The following TMEM138 variants were observed in gnomAD, a reference collection of about 807,000 sequenced individuals.
The protein encoded by TMEM138 is transmembrane protein 138.
Under a neutral mutation model 18.1 loss-of-function variants are expected in TMEM138, and 9 were observed. The observed-to-expected ratio is 0.50, with a 90% CI of 0.30 to 0.87. The LOEUF is 0.87. Among genes scored for constraint, TMEM138 ranks in the 40% least tolerant of loss-of-function variants. The pLI, the probability that TMEM138 is intolerant of heterozygous loss-of-function variation, is 0.06. For missense variants in TMEM138, 189 were observed against 190.6 expected, an observed-to-expected ratio of 0.99 and a Z score of 0.05; for synonymous variants, 79 against 74.8, an observed-to-expected ratio of 1.06 and a Z score of -0.29.
At chr11:61,368,481 C>G (rs939822344) in intron 4 of TMEM138, 116 bp from the exon 5 acceptor site, 3 of 664,612 alleles carry the variant, frequency 4.5e-6, no homozygotes, top group Admixed American at 2.3e-5. Context: ...CTGCCTCTGC[C>G]TCCTAAAGTG....
chr11:61,374,092 C>T (rs1858402486), downstream of TMEM138, among the ~76,000 whole-genome samples: 1 of 151,446 alleles, frequency 6.6e-6, no homozygotes, highest in Non-Finnish European at 1.5e-5. Context: ...ATCCATCCAC[C>T]TCGGCCTCCC....
chr11:61,376,057 A>G (rs1387055886), downstream of TMEM138, among the ~76,000 whole-genome samples: 1 of 152,238 alleles, frequency 6.6e-6, no homozygotes, highest in African/African-American at 2.4e-5. Context: ...TATGTAAAAA[A>G]TAATTATTCG....
At chr11:61,372,175 CA>C (rs1858357854), downstream of TMEM138, among the ~76,000 whole-genome samples, 1 of 12,958 alleles carries the variant, frequency 7.7e-5, no homozygotes, top group Non-Finnish European at 1.8e-4. Context: ...GACTCTGTCT[CA>C]GAAAAAAAAA....
intron 3 of TMEM138, 193 bp from the exon 4 acceptor site, chr11:61,367,730 A>G: frequency 1.7e-6 from 1 of 599,362 alleles, no homozygotes; most frequent in Non-Finnish European, 3.0e-6. Flanking sequence ...TCCTCCCTCA[A>G]AGTTAAAAGA....
chr11:61,374,039 C>T (rs528758511), downstream of TMEM138, among the ~76,000 whole-genome samples: 44 of 150,998 alleles, frequency 2.9e-4, no homozygotes, highest in African/African-American at 1.0e-3. Flanking sequence ...GATGGGGTTT[C>T]GCCATGTTGG....
chr11:61,375,560 C>G (rs968472961), downstream of TMEM138, among the ~76,000 whole-genome samples: 2 of 152,114 alleles, frequency 1.3e-5, no homozygotes, highest in African/African-American at 4.8e-5. Context: ...TGACCTCAGG[C>G]GATCCACCCA....
chr11:61,372,735 G>T (rs1351343565), downstream of TMEM138, among the ~76,000 whole-genome samples: 1 of 151,910 alleles, frequency 6.6e-6, no homozygotes, highest in East Asian at 1.9e-4. Context: ...GCAGTGAGCT[G>T]AGGTCACACC....
chr11:61,376,037 T>C (rs1457290970), downstream of TMEM138, among the ~76,000 whole-genome samples: 1 of 152,172 alleles, frequency 6.6e-6, no homozygotes. Flanking sequence ...TCAAAGCCAA[T>C]TTAAAAGCCT....
At position 61,368,955 on chromosome 11, in the gene TMEM138, C is replaced by T. The variant is rs1858262081; in HGVS notation, c.*246C>T. Reference sequence around the variant, plus strand: ...TTCCACCCCCTTTCCTTCCTTTCCTCTCTGTACCATTCATTCTCCCTGACC... The same window carrying T: ...TTCCACCCCCTTTCCTTCCTTTCCTTTCTGTACCATTCATTCTCCCTGACC... On this transcript the variant is annotated 3_prime_UTR_variant, in exon 5 of 5. Coordinates refer to ENST00000278826, the MANE Select transcript of TMEM138 (RefSeq NM_016464.5). 8.2e-6 allele frequency: 4 copies of T among 486,238 alleles called. No individual in the cohort carries two copies. Among genetic ancestry groups the T allele is most frequent in the Non-Finnish European group, 1.5e-5 (4 of 266,036 alleles). The allele number at this position is 486,238 out of a possible 1,614,324, so 30.1% of individuals were successfully genotyped here.
At chr11:61,365,389 T>G (rs1858107780) in intron 2 of TMEM138, among the ~76,000 whole-genome samples, 1 of 151,886 alleles carries the variant, frequency 6.6e-6, no homozygotes, top group African/African-American at 2.4e-5. Flanking sequence ...GCCTCCCTAG[T>G]AGCTGGGATT....
downstream of TMEM138, among the ~76,000 whole-genome samples, chr11:61,376,067 G>A (rs75547153): frequency 0.049 from 7,490 of 152,098 alleles, 644 homozygotes; most frequent in African/African-American, 0.17. Flanking sequence ...ATAATTATTC[G>A]GCCAGATGCG....
intron 3 of TMEM138, chr11:61,366,670 G>A (rs1858167458): frequency 6.5e-6 from 1 of 154,058 alleles, no homozygotes; most frequent in South Asian, 2.0e-4. Flanking sequence ...GTTTCACCAT[G>A]TTGGCCGGGA....
rs557386985 is a variant in TMEM138, at chr11:61,368,994, G to A, written c.*285G>A. On this transcript the variant is annotated 3_prime_UTR_variant, in exon 5 of 5. Coordinates refer to ENST00000278826, the MANE Select transcript of TMEM138 (RefSeq NM_016464.5). ...TTCTCCCTGACCGGCCTTTCTTGCC[G>A]AGGGTTCTGTGGCTCTTACCCTTGT... The A allele has an allele frequency of 7.5e-5, 28 of 373,534 alleles. No homozygotes were observed. Among genetic ancestry groups the A allele is most frequent in the Admixed American group, 5.8e-4 (15 of 25,734 alleles). 23.1% of individuals were successfully genotyped at this position (373,534 alleles called of 1,614,324 possible).
downstream of TMEM138, among the ~76,000 whole-genome samples, chr11:61,372,727 A>T (rs1858376604): frequency 6.6e-6 from 1 of 152,030 alleles, no homozygotes. Flanking sequence ...TGGAGCTTGC[A>T]GTGAGCTGAG....
downstream of TMEM138, among the ~76,000 whole-genome samples, chr11:61,375,794 C>A (rs1172183930): frequency 6.6e-6 from 1 of 152,146 alleles, no homozygotes; most frequent in Non-Finnish European, 1.5e-5. Context: ...CCAATAAAAG[C>A]CCCTTGGAAA....
rs1470033610 is a variant in TMEM138, at chr11:61,365,941, T to C, written c.129-104T>C. 5 of 1,392,558 alleles carry C rather than the reference T, an allele frequency of 3.6e-6. No homozygotes were observed. The East Asian group carries it at 1.3e-4, about 35-fold the overall frequency. The allele number at this position is 1,392,558 out of a possible 1,614,324, so 86.3% of individuals were successfully genotyped here. A position where few individuals can be genotyped will look rare whatever the true frequency, so the allele number is the denominator to read the frequency against. On this transcript the variant is annotated intron_variant, in intron 2 of 4. Transcript: ENST00000278826. ...GAGGGTTTAAGATGTCAGATGCCTATCTCACAACAAAGGACAGGCCTCGTG... is the reference window on the plus strand; with the variant it reads ...GAGGGTTTAAGATGTCAGATGCCTACCTCACAACAAAGGACAGGCCTCGTG...
chr11:61,365,236 G>A (rs1346864688), intron 2 of TMEM138, among the ~76,000 whole-genome samples: 1 of 151,780 alleles, frequency 6.6e-6, no homozygotes, highest in East Asian at 1.9e-4. Context: ...GCAACATAGT[G>A]AGACCTTGTT....
chr11:61,370,124 T>C (rs1437961119), downstream of TMEM138, among the ~76,000 whole-genome samples: 2 of 152,150 alleles, frequency 1.3e-5, no homozygotes, highest in African/African-American at 2.4e-5. Flanking sequence ...TGCAGGGATT[T>C]TTCTCTTAGG....
chr11:61,371,578 A>T (rs1858345411), downstream of TMEM138, among the ~76,000 whole-genome samples: 1 of 152,240 alleles, frequency 6.6e-6, no homozygotes, highest in South Asian at 2.1e-4. Flanking sequence ...TTTCACACTG[A>T]TGATGCTTGT....
Sources: gnomAD v4.1 joint callset for allele counts (sites outside exome capture counted in the v4.1 genomes callset) on GRCh38, gnomAD v4.1.1 for gene constraint, MANE v1.5 for transcripts, NCBI Gene and HGNC (gene_info 2026-07-23, HGNC 2026-07-21) for gene names.